TMEM132C: variants seen among roughly 807,000 people sequenced by gnomAD.
TMEM132C encodes the protein protein phosphatase 1, regulatory subunit 152.
A neutral mutation model predicts 61.4 loss-of-function variants in TMEM132C; 29 were observed. That is an observed-to-expected ratio of 0.47 (90% CI 0.35 to 0.64). The LOEUF (loss-of-function observed/expected upper bound fraction) is 0.64. Among genes scored for constraint, TMEM132C ranks in the 30% least tolerant of loss-of-function variants. The pLI is 0.00. For synonymous variants in TMEM132C, 656 were observed against 633.1 expected (o/e 1.04, Z -0.54); for missense variants, 1,408 against 1,476.9 (o/e 0.95, Z 0.76).
At chr12:128,627,605 C>T (rs1954028017) in intron 4 of TMEM132C, among the ~76,000 whole-genome samples, 1 of 152,208 alleles carries the variant, frequency 6.6e-6, no homozygotes, top group African/African-American at 2.4e-5. Context: ...CATAAGGTTC[C>T]TGTGCCCAAG....
intron 4 of TMEM132C, among the ~76,000 whole-genome samples, chr12:128,646,016 G>GT (rs1268800344): frequency 6.6e-6 from 1 of 151,894 alleles, no homozygotes; most frequent in Non-Finnish European, 1.5e-5. Context: ...GGATGAGTGT[G>GT]TTTCCTGGAG....
chr12:128,364,693 A>AG (rs1873809478), intron 1 of TMEM132C, among the ~76,000 whole-genome samples: 1 of 152,134 alleles, frequency 6.6e-6, no homozygotes. Flanking sequence ...GCCTGCACCG[A>AG]GGGGGTCTGC....
intron 2 of TMEM132C, chr12:128,438,836 T>A (rs561077293): frequency 6.6e-6 from 1 of 152,190 alleles, no homozygotes; most frequent in Non-Finnish European, 1.5e-5. Flanking sequence ...TGCATTTCTC[T>A]CCACTTCATT....
chr12:128,393,031 TCAAA>T (rs1231216332), intron 1 of TMEM132C, among the ~76,000 whole-genome samples: 1 of 152,222 alleles, frequency 6.6e-6, no homozygotes, highest in Non-Finnish European at 1.5e-5. Context: ...AATGGGTGGT[TCAAA>T]CAAAGTTGGG....
At chr12:128,617,442 G>T (rs148693662) in intron 4 of TMEM132C, among the ~76,000 whole-genome samples, 3 of 152,322 alleles carry the variant, frequency 2.0e-5, no homozygotes, top group Middle Eastern at 3.4e-3. Flanking sequence ...AGCCCAACTT[G>T]AAGCCAATCA....
intron 1 of TMEM132C, among the ~76,000 whole-genome samples, chr12:128,292,436 T>C (rs532942921): frequency 7.1e-4 from 108 of 152,336 alleles, no homozygotes; most frequent in African/African-American, 2.5e-3. Context: ...AATGGTTTTT[T>C]CTAACTTGTT....
At chr12:128,635,555 C>A (rs538743535) in intron 4 of TMEM132C, among the ~76,000 whole-genome samples, 19 of 139,400 alleles carry the variant, frequency 1.4e-4, no homozygotes, top group African/African-American at 5.2e-4. Flanking sequence ...AAAAAGTGTT[C>A]TTTGTGCCTT....
chr12:128,558,713 G>A (rs1874410906), intron 3 of TMEM132C, among the ~76,000 whole-genome samples: 1 of 152,210 alleles, frequency 6.6e-6, no homozygotes, highest in Admixed American at 6.5e-5. Flanking sequence ...CTTCCTTTCA[G>A]TGGCTGGTTG....
At chr12:128,459,353 A>G (rs1235898752) in intron 2 of TMEM132C, among the ~76,000 whole-genome samples, 1 of 152,162 alleles carries the variant, frequency 6.6e-6, no homozygotes, top group East Asian at 1.9e-4. Context: ...ATGCTGAGAG[A>G]TCAGGAGGGC....
chr12:128,391,655 G>A (rs552626518), intron 1 of TMEM132C, among the ~76,000 whole-genome samples: 1 of 152,298 alleles, frequency 6.6e-6, no homozygotes, highest in East Asian at 1.9e-4. Context: ...TTAGGAGGTA[G>A]GTATTGTTAG....
At chr12:128,330,733 C>T (rs1337216431) in intron 1 of TMEM132C, among the ~76,000 whole-genome samples, 3 of 152,154 alleles carry the variant, frequency 2.0e-5, no homozygotes, top group African/African-American at 4.8e-5. Context: ...CATGTCCCCA[C>T]TCTGAATTCC....
chr12:128,478,386 C>T (rs1001594068), intron 2 of TMEM132C, among the ~76,000 whole-genome samples: 5 of 152,148 alleles, frequency 3.3e-5, no homozygotes, highest in African/African-American at 1.2e-4. Flanking sequence ...CACCTCTTAA[C>T]ATCAGGAGGC....
At chr12:128,647,992 A>G (rs376889610) in intron 4 of TMEM132C, among the ~76,000 whole-genome samples, 8 of 146,196 alleles carry the variant, frequency 5.5e-5, no homozygotes, top group East Asian at 4.1e-4. Flanking sequence ...TCAGTCCATC[A>G]GCGTTGGATG....
intron 5 of TMEM132C, among the ~76,000 whole-genome samples, chr12:128,673,706 C>T (rs538297151): frequency 6.6e-6 from 1 of 152,360 alleles, no homozygotes; most frequent in Admixed American, 6.5e-5. Context: ...GGCTTTGCCA[C>T]ATTCAAGCTG....
At chr12:128,599,405 C>T (rs1235151567) in intron 3 of TMEM132C, among the ~76,000 whole-genome samples, 1 of 152,230 alleles carries the variant, frequency 6.6e-6, no homozygotes, top group Non-Finnish European at 1.5e-5. Flanking sequence ...CAGGACCTTC[C>T]TGTGGCACTG....
intron 5 of TMEM132C, among the ~76,000 whole-genome samples, chr12:128,682,689 AGGTGG>A (rs1954645407): frequency 6.6e-6 from 1 of 152,212 alleles, no homozygotes; most frequent in South Asian, 2.1e-4. Flanking sequence ...CGCCCGCCCC[AGGTGG>A]GAGTGGTGTG....
intron 1 of TMEM132C, among the ~76,000 whole-genome samples, chr12:128,352,142 T>C (rs1873355179): frequency 1.3e-5 from 2 of 152,300 alleles, no homozygotes; most frequent in South Asian, 2.1e-4. Context: ...TAGCCTGTTC[T>C]CACACTGCTA....
intron 2 of TMEM132C, among the ~76,000 whole-genome samples, chr12:128,508,372 A>G (rs577271259): frequency 2.6e-4 from 40 of 152,336 alleles, no homozygotes; most frequent in African/African-American, 9.4e-4. Context: ...GTGGGGACAC[A>G]GAGCCAAACC....
intron 3 of TMEM132C, among the ~76,000 whole-genome samples, chr12:128,590,920 G>T (rs1875727384): frequency 6.6e-6 from 1 of 152,078 alleles, no homozygotes; most frequent in Non-Finnish European, 1.5e-5. Flanking sequence ...GGGACCACAG[G>T]TATGCACTGC....
Sources: gnomAD v4.1 joint callset for allele counts (sites outside exome capture counted in the v4.1 genomes callset) on GRCh38, gnomAD v4.1.1 for gene constraint, MANE v1.5 for transcripts, NCBI Gene and HGNC (gene_info 2026-07-23, HGNC 2026-07-21) for gene names.